NPY1R: variants seen among roughly 807,000 people sequenced by gnomAD.
NPY1R encodes neuropeptide Y receptor type 1.
Under a neutral mutation model 24.1 loss-of-function variants are expected in NPY1R, and 10 were observed. The observed-to-expected ratio is 0.42, with a 90% CI of 0.26 to 0.71. The LOEUF is 0.71. Among genes scored for constraint, NPY1R ranks in the 30% least tolerant of loss-of-function variants. NPY1R has a pLI of 0.28. For synonymous variants in NPY1R, 168 were observed against 165.9 expected (o/e 1.01, Z -0.10); for missense variants, 350 against 458.0 (o/e 0.76, Z 2.15).
intron 1 of NPY1R, among the ~76,000 whole-genome samples, chr4:163,343,474 T>TTCTA (rs1315446394): frequency 6.6e-6 from 1 of 152,002 alleles, no homozygotes; most frequent in East Asian, 1.9e-4. Flanking sequence ...CTTTCTTTCT[T>TTCTA]TCTATCACCA....
At chr4:163,341,841 C>T (rs542740296) in intron 1 of NPY1R, among the ~76,000 whole-genome samples, 10 of 152,256 alleles carry the variant, frequency 6.6e-5, no homozygotes, top group African/African-American at 2.2e-4. Flanking sequence ...TTATGTTCTA[C>T]AAAGAGTAAT....
chr4:163,341,046 G>A (rs1245497002), intron 1 of NPY1R, among the ~76,000 whole-genome samples: 1 of 151,546 alleles, frequency 6.6e-6, no homozygotes, highest in East Asian at 1.9e-4. Context: ...TGGACTCAAT[G>A]CACACAATAC....
At chr4:163,342,987 CACACA>C (rs1735039226) in intron 1 of NPY1R, among the ~76,000 whole-genome samples, 2 of 13,748 alleles carry the variant, frequency 1.5e-4, no homozygotes, top group African/African-American at 2.5e-4. Context: ...CACAGACACA[CACACA>C]CACACACACA....
At chr4:163,327,359 T>C (rs1423439122) in intron 1 of NPY1R, among the ~76,000 whole-genome samples, 1 of 152,226 alleles carries the variant, frequency 6.6e-6, no homozygotes, top group Non-Finnish European at 1.5e-5. Context: ...GGGTAGCATG[T>C]AGAACACAGC....
chr4:163,325,937 A>G lies in NPY1R; in HGVS notation c.618T>C (p.Ser206=). 6.2e-7 allele frequency: 1 copy of G among 1,614,096 alleles called. No individual in the cohort carries two copies. The highest frequency in any genetic ancestry group is 8.5e-7 in the Non-Finnish European group (1 of 1,179,974). ...GGAGAGTGGTATAAGACAACCTATG[A>G]GAGTCCGATGGAAATTGATCAAAGC... ...YVCFDQFPSD[S]HRLSYTTLLL... The change falls in exon 2 of 3, where the codon TCT becomes TCC. Residue 206 remains serine, a synonymous_variant. Transcript: ENST00000296533.
At chr4:163,342,104 A>G (rs1734999730) in intron 1 of NPY1R, among the ~76,000 whole-genome samples, 1 of 152,216 alleles carries the variant, frequency 6.6e-6, no homozygotes. Flanking sequence ...TAGCCAGGTT[A>G]ATTAGAATCT....
upstream of NPY1R, among the ~76,000 whole-genome samples, chr4:163,334,333 T>C (rs1321979871): frequency 3.3e-5 from 5 of 152,260 alleles, no homozygotes; most frequent in Non-Finnish European, 7.3e-5. Flanking sequence ...TCAGGTACTA[T>C]GCTTTCTCTA....
At chr4:163,339,383 A>G (rs1734922158) in intron 1 of NPY1R, among the ~76,000 whole-genome samples, 1 of 152,210 alleles carries the variant, frequency 6.6e-6, no homozygotes, top group African/African-American at 2.4e-5. Context: ...AGGAATATAA[A>G]TAAGAAATAA....
At chr4:163,341,730 A>G (rs1421177768) in intron 1 of NPY1R, among the ~76,000 whole-genome samples, 1 of 152,216 alleles carries the variant, frequency 6.6e-6, no homozygotes, top group Non-Finnish European at 1.5e-5. Flanking sequence ...TTTTATAAAT[A>G]GTGAGTAGGA....
At chr4:163,339,664 A>G (rs2110817415) in intron 1 of NPY1R, among the ~76,000 whole-genome samples, 1 of 152,362 alleles carries the variant, frequency 6.6e-6, no homozygotes, top group Middle Eastern at 3.4e-3. Flanking sequence ...ACATTAAAAA[A>G]GTGTCTTCAG....
intron 1 of NPY1R, among the ~76,000 whole-genome samples, chr4:163,339,129 C>G (rs974190307): frequency 6.6e-6 from 1 of 152,160 alleles, no homozygotes; most frequent in Admixed American, 6.5e-5. Flanking sequence ...CCAAAGACAT[C>G]CTTTTTAATC....
chr4:163,326,146 C>T lies in NPY1R; in HGVS notation c.409G>A (p.Glu137Lys). The T allele has an allele frequency of 6.2e-7, 1 of 1,614,050 alleles. No homozygotes were observed. The highest frequency in any genetic ancestry group is 8.5e-7 in the Non-Finnish European group (1 of 1,179,990). The part of the protein sequence containing the change: ...SIFSLVLIAV[E>K]RHQLIINPRG... ...GGGTTGATTATCAGCTGATGTCGTT[C>T]CACAGCAATGAGAACCAGAGAGAAA... The change falls in exon 2 of 3, where the codon GAA (glutamate) becomes AAA (lysine). Residue 137 changes from glutamate (E) to lysine (K), a missense_variant. Glu to Lys is a moderately conservative substitution (Grantham distance 56). Transcript: ENST00000296533.
At position 163,324,991 on chromosome 4, in the gene NPY1R, G is replaced by A. The variant is rs148903852; in HGVS notation, c.*312C>T. The A allele has an allele frequency of 4.1e-6, 1 of 242,938 alleles. No homozygotes were observed. Among genetic ancestry groups the A allele is most frequent in the East Asian group, 9.5e-5 (1 of 10,482 alleles). The allele number at this position is 242,938 out of a possible 1,614,324, so 15.0% of individuals were successfully genotyped here. A position where few individuals can be genotyped will look rare whatever the true frequency, so the allele number is the denominator to read the frequency against. ...CAGGTACTTCTGAAGTCAGTTAATA[G>A]TAATACTTTAAAGAAATTTCATTCC... On this transcript the variant is annotated 3_prime_UTR_variant, in exon 3 of 3. Coordinates refer to ENST00000296533, the MANE Select transcript of NPY1R (RefSeq NM_000909.6).
chr4:163,328,328 A>T (rs930853979), intron 1 of NPY1R, among the ~76,000 whole-genome samples: 1 of 152,212 alleles, frequency 6.6e-6, no homozygotes, highest in Non-Finnish European at 1.5e-5. Flanking sequence ...AGAGAGAATG[A>T]TCAGCGATTG....
upstream of NPY1R, among the ~76,000 whole-genome samples, chr4:163,337,032 C>T (rs1734854990): frequency 6.6e-6 from 1 of 151,982 alleles, no homozygotes; most frequent in South Asian, 2.1e-4. Context: ...CAAGCAGGTG[C>T]ATGCAAAAAT....
Position 163,325,153 on chromosome 4 carries a change from AC to A in NPY1R, c.*149del, listed in dbSNP as rs1173865162. 1.6e-6 allele frequency: 1 copy of A among 633,798 alleles called. No homozygotes were observed. 39.3% of individuals were successfully genotyped at this position (633,798 alleles called of 1,614,324 possible). On this transcript the variant is annotated 3_prime_UTR_variant, in exon 3 of 3. Coordinates refer to ENST00000296533, the MANE Select transcript of NPY1R (RefSeq NM_000909.6). ...TCCAAATGTAATTATGACAACTACA[AC>A]AAAAGCAGTAAAAAGCAAGACAAGA...
rs890520912 is a variant in NPY1R, at chr4:163,324,980, G to A, written c.*323C>T. 2 of 219,042 alleles carry A rather than the reference G, an allele frequency of 9.1e-6. No homozygotes were observed. The highest frequency in any genetic ancestry group is 4.7e-5 in the African/African-American group (2 of 42,992). The allele number at this position is 219,042 out of a possible 1,614,324, so 13.6% of individuals were successfully genotyped here. On this transcript the variant is annotated 3_prime_UTR_variant, in exon 3 of 3. Transcript: ENST00000296533. ...GTATTGGATGGCAGGTACTTCTGAA[G>A]TCAGTTAATAGTAATACTTTAAAGA...
At chr4:163,331,867 G>C (rs111837690) in intron 1 of NPY1R, among the ~76,000 whole-genome samples, 1 of 152,216 alleles carries the variant, frequency 6.6e-6, no homozygotes, top group Admixed American at 6.5e-5. Flanking sequence ...CCGGTACTGC[G>C]GAGCGCGGCT....
At chr4:163,329,015 C>T (rs1321821239) in intron 1 of NPY1R, among the ~76,000 whole-genome samples, 1 of 152,178 alleles carries the variant, frequency 6.6e-6, no homozygotes, top group Non-Finnish European at 1.5e-5. Flanking sequence ...AGCTCAATTC[C>T]ATCATAGTCC....
Sources: gnomAD v4.1 joint callset for allele counts (sites outside exome capture counted in the v4.1 genomes callset) on GRCh38, gnomAD v4.1.1 for gene constraint, MANE v1.5 for transcripts, NCBI Gene and HGNC (gene_info 2026-07-23, HGNC 2026-07-21) for gene names.